SLC8A1: variants seen among roughly 807,000 people sequenced by gnomAD.
SLC8A1 encodes the protein sodium/calcium exchanger 1.
SLC8A1 carries 18 observed loss-of-function variants against 68.3 expected under a neutral mutation model. The observed-to-expected ratio is 0.26, with a 90% CI of 0.18 to 0.39. SLC8A1 has a LOEUF of 0.39. Among genes scored for constraint, SLC8A1 ranks in the 10% least tolerant of loss-of-function variants. SLC8A1 has a pLI of 1.00. For synonymous variants in SLC8A1, 475 were observed against 415.5 expected (o/e 1.14, Z -1.74); for missense variants, 985 against 1,156.7 (o/e 0.85, Z 2.15).
chr2:40,132,266 C>G (rs1286306777), intron 7 of SLC8A1, among the ~76,000 whole-genome samples: 1 of 151,970 alleles, frequency 6.6e-6, no homozygotes, highest in African/African-American at 2.4e-5. Context: ...AACATGGATT[C>G]CACAGTTTAC....
chr2:40,376,173 G>T (rs1385333589), intron 2 of SLC8A1, among the ~76,000 whole-genome samples: 7 of 151,952 alleles, frequency 4.6e-5, no homozygotes, highest in Non-Finnish European at 7.4e-5. Context: ...TGCAATATAA[G>T]TTTGTGACTT....
At chr2:40,232,828 T>C (rs2059861849) in intron 2 of SLC8A1, among the ~76,000 whole-genome samples, 1 of 135,474 alleles carries the variant, frequency 7.4e-6, no homozygotes, top group African/African-American at 2.8e-5. Flanking sequence ...AATTCCCACC[T>C]ATGAGTGAGA....
intron 2 of SLC8A1, among the ~76,000 whole-genome samples, chr2:40,272,763 G>C (rs1470657747): frequency 6.6e-6 from 1 of 152,188 alleles, no homozygotes; most frequent in Non-Finnish European, 1.5e-5. Context: ...ACTTAAAGAA[G>C]ATATGCTAAA....
At chr2:40,170,726 G>A (rs186428255) in intron 4 of SLC8A1, among the ~76,000 whole-genome samples, 51 of 152,248 alleles carry the variant, frequency 3.3e-4, no homozygotes, top group Non-Finnish European at 6.8e-4. Flanking sequence ...GGCAGGTGTC[G>A]TGGTTGGCAA....
At chr2:40,339,677 A>G (rs6757060) in intron 2 of SLC8A1, among the ~76,000 whole-genome samples, 23,742 of 152,220 alleles carry the variant, frequency 0.16, 3,012 homozygotes, top group African/African-American at 0.35. Context: ...TGTCTCACAC[A>G]TGCATAGGAA....
At chr2:40,132,259 A>G (rs1220290568) in intron 7 of SLC8A1, among the ~76,000 whole-genome samples, 2 of 152,196 alleles carry the variant, frequency 1.3e-5, no homozygotes, top group African/African-American at 4.8e-5. Context: ...GAGAGATAAC[A>G]TGGATTCCAC....
chr2:40,381,663 A>T (rs1432358951), intron 2 of SLC8A1, among the ~76,000 whole-genome samples: 1 of 151,880 alleles, frequency 6.6e-6, no homozygotes, highest in Non-Finnish European at 1.5e-5. Flanking sequence ...TTTCTTTTAA[A>T]TAAACATAGA....
At chr2:40,336,669 T>A (rs1024213572) in intron 2 of SLC8A1, among the ~76,000 whole-genome samples, 2 of 152,202 alleles carry the variant, frequency 1.3e-5, no homozygotes, top group Non-Finnish European at 2.9e-5. Flanking sequence ...GACTGTTAAG[T>A]TCACTTTCGT....
intron 2 of SLC8A1, among the ~76,000 whole-genome samples, chr2:40,245,058 C>T (rs1326435975): frequency 6.6e-6 from 1 of 152,042 alleles, no homozygotes; most frequent in Non-Finnish European, 1.5e-5. Context: ...AATAGGCAGC[C>T]AATATAATTG....
At position 40,404,141 on chromosome 2, in the gene SLC8A1, T is replaced by C. The variant is rs947634108; in HGVS notation, c.1808+24332A>G. On this transcript the variant is annotated intron_variant, in intron 2 of 7. Coordinates refer to ENST00000406785, the Ensembl canonical transcript of SLC8A1. ...GAGATTCTGGGCTCAAGTGATCCTCTACCTCAGCCTCCAAAGTACTGAGGA... is the reference window on the plus strand; with the variant it reads ...GAGATTCTGGGCTCAAGTGATCCTCCACCTCAGCCTCCAAAGTACTGAGGA... Among the ~76,000 whole-genome samples the C allele has an allele frequency of 7.2e-5, 11 of 152,236 alleles. 1 individual carries two copies. The highest frequency in any genetic ancestry group is 1.2e-4 in the Non-Finnish European group (8 of 67,984).
chr2:40,287,574 G>A (rs1370675460), intron 2 of SLC8A1, among the ~76,000 whole-genome samples: 1 of 148,516 alleles, frequency 6.7e-6, no homozygotes, highest in East Asian at 2.0e-4. Context: ...GGACTTGGCA[G>A]AGGAATGATG....
chr2:40,399,577 T>C (rs1050823954), intron 2 of SLC8A1, among the ~76,000 whole-genome samples: 1 of 152,292 alleles, frequency 6.6e-6, no homozygotes, highest in South Asian at 2.1e-4. Context: ...ATCTAACTCT[T>C]ACCAGAATGA....
chr2:40,488,534 T>G (rs550654396), intron 1 of SLC8A1, among the ~76,000 whole-genome samples: 1 of 152,126 alleles, frequency 6.6e-6, no homozygotes, highest in African/African-American at 2.4e-5. Flanking sequence ...TGTTCCCTTT[T>G]AACTGTTAAA....
chr2:40,305,356 T>C (rs1398839651), intron 2 of SLC8A1, among the ~76,000 whole-genome samples: 1 of 152,206 alleles, frequency 6.6e-6, no homozygotes, highest in Non-Finnish European at 1.5e-5. Flanking sequence ...ATGTAGGTTA[T>C]TTAGCAGCAT....
At chr2:40,231,752 C>G (rs576914165) in intron 2 of SLC8A1, among the ~76,000 whole-genome samples, 38 of 152,238 alleles carry the variant, frequency 2.5e-4, no homozygotes, top group African/African-American at 8.9e-4. Context: ...TATTTTTCAT[C>G]AAGAACTAGC....
rs1352625750 is a variant in SLC8A1, at chr2:40,139,550, T to C, written c.2288A>G (p.Asn763Ser). The C allele has an allele frequency of 1.9e-6, 3 of 1,614,096 alleles. No homozygotes were observed. The Admixed American group carries it at 5.0e-5, about 27-fold the overall frequency. The change falls in exon 7 of 8, where the codon AAT (asparagine) becomes AGT (serine). Residue 763 changes from asparagine to serine, a missense_variant. Asn to Ser is a conservative substitution (Grantham distance 46). Around this residue, in one of 5 missense-constraint regions of SLC8A1, gnomAD observed 144 missense variants for 260.4 expected, o/e 0.55. Coordinates refer to ENST00000406785, the Ensembl canonical transcript of SLC8A1. ...GGAGACAATGAAACACGCCCAGCCA[T>C]TCCAGTATTCAGTAGGGGGGACGAA...
chr2:40,391,038 A>G (rs1685077304), intron 2 of SLC8A1, among the ~76,000 whole-genome samples: 1 of 151,990 alleles, frequency 6.6e-6, no homozygotes, highest in East Asian at 1.9e-4. Flanking sequence ...CCATTTTATG[A>G]AAGTTGCTTT....
chr2:40,429,813 C>T (rs145993088), exon 2 of SLC8A1: 9 of 1,613,632 alleles, frequency 5.6e-6, no homozygotes, highest in Non-Finnish European at 6.8e-6. Context: ...TATGGCCACA[C>T]ACTTCAATTA....
At chr2:40,223,069 G>A (rs561579551) in intron 2 of SLC8A1, among the ~76,000 whole-genome samples, 394 of 152,292 alleles carry the variant, frequency 2.6e-3, no homozygotes, top group Non-Finnish European at 2.7e-3. Context: ...ACATGTACAT[G>A]TATGTTTATT....
Sources: gnomAD v4.1 joint callset for allele counts (sites outside exome capture counted in the v4.1 genomes callset) on GRCh38, gnomAD v4.1.1 for gene constraint, gnomAD v4.1.1 regional missense constraint, MANE v1.5 for transcripts, NCBI Gene and HGNC (gene_info 2026-07-23, HGNC 2026-07-21) for gene names.